The following GAREM1 variants were observed in gnomAD, a reference collection of about 807,000 sequenced individuals.
The protein encoded by GAREM1 is GRB2-associated and regulator of MAPK protein 1.
Under a neutral mutation model 71.3 loss-of-function variants are expected in GAREM1, and 26 were observed. The ratio of observed to expected loss-of-function variants is 0.36; its 90% CI spans 0.27 to 0.51. The LOEUF (loss-of-function observed/expected upper bound fraction) is 0.51, where lower values mean the gene tolerates loss of function less well. Among genes scored for constraint, GAREM1 ranks in the 20% least tolerant of loss-of-function variants. GAREM1 has a pLI of 0.95. For synonymous variants in GAREM1, 440 were observed against 433.2 expected (o/e 1.02, Z -0.20); for missense variants, 1,026 against 1,103.1 (o/e 0.93, Z 0.99).
At chr18:32,450,981 T>C (rs2048832327) in intron 1 of GAREM1, among the ~76,000 whole-genome samples, 2 of 150,558 alleles carry the variant, frequency 1.3e-5, no homozygotes, top group Admixed American at 6.7e-5. Flanking sequence ...ACCTCATTTC[T>C]ATTAAAAAAA....
Position 32,286,333 on chromosome 18 carries a change from T to A in GAREM1, c.1566+698A>T, listed in dbSNP as rs1256211014. Among the ~76,000 whole-genome samples the A allele has an allele frequency of 6.6e-5, 9 of 136,036 alleles. No individual in the cohort carries two copies. In the East Asian group the frequency reaches 1.7e-3, roughly 26 times the overall value. 89.2% of individuals were successfully genotyped at this position (136,036 alleles called of 152,430 possible). On this transcript the variant is annotated intron_variant, in intron 4 of 5. Transcript: ENST00000269209. Reference sequence around the variant, plus strand: ...CACCTGGTTCTGGAGTGTGTGTGTGTGTGTGTGTGTGTGTGTGTGTGTGTG... The same window carrying A: ...CACCTGGTTCTGGAGTGTGTGTGTGAGTGTGTGTGTGTGTGTGTGTGTGTG...
intron 4 of GAREM1, among the ~76,000 whole-genome samples, chr18:32,278,429 T>C (rs908529688): frequency 2.0e-5 from 3 of 152,224 alleles, no homozygotes; most frequent in Non-Finnish European, 4.4e-5. Flanking sequence ...AAGGATCGTT[T>C]TGTTTCCATA....
chr18:32,370,219 T>G (rs1281067578), intron 2 of GAREM1, among the ~76,000 whole-genome samples: 1 of 151,888 alleles, frequency 6.6e-6, no homozygotes, highest in Non-Finnish European at 1.5e-5. Flanking sequence ...GAACACAAGG[T>G]CAGATCGAGA....
intron 2 of GAREM1, among the ~76,000 whole-genome samples, chr18:32,336,429 CAAAAAAAAA>C (rs35803922): frequency 2.3e-4 from 17 of 72,870 alleles, no homozygotes; most frequent in African/African-American, 6.7e-4. Flanking sequence ...GACTCCGTCT[CAAAAAAAAA>C]AAAAAAAAAA....
At chr18:32,329,014 T>C (rs2084910772) in intron 2 of GAREM1, among the ~76,000 whole-genome samples, 1 of 151,978 alleles carries the variant, frequency 6.6e-6, no homozygotes, top group Non-Finnish European at 1.5e-5. Context: ...ACTAAGGAGG[T>C]ATCCCTGAAG....
chr18:32,314,592 TG>T (rs1418934006), intron 2 of GAREM1, among the ~76,000 whole-genome samples: 36 of 138,286 alleles, frequency 2.6e-4, no homozygotes, highest in African/African-American at 1.0e-3. Context: ...TTTTTGTTGT[TG>T]TTTTTTTTTT....
chr18:32,299,052 G>A (rs1034279877), intron 3 of GAREM1, among the ~76,000 whole-genome samples: 2 of 151,952 alleles, frequency 1.3e-5, no homozygotes, highest in African/African-American at 2.4e-5. Flanking sequence ...GTTTTTCAGA[G>A]GGCCCAAAAC....
At chr18:32,383,530 A>G (rs1196316815) in intron 2 of GAREM1, among the ~76,000 whole-genome samples, 2 of 152,208 alleles carry the variant, frequency 1.3e-5, no homozygotes, top group Non-Finnish European at 2.9e-5. Flanking sequence ...AGGTCACACT[A>G]CTTCTTAGAG....
rs2049040477 is a variant in GAREM1, at chr18:32,470,357, G to A, written c.72C>T (p.Asp24=). The A allele has an allele frequency of 6.4e-7, 1 of 1,559,774 alleles. No homozygotes were observed. Among genetic ancestry groups the A allele is most frequent in the Non-Finnish European group, 8.7e-7 (1 of 1,154,170 alleles). ...VKWSSVAVPL[D]LLVSTYRLPQ... is the part of the protein sequence containing the mutation. ...GCAGCCGGTAAGTGCTGACCAGGAG[G>A]TCGAGCGGCACGGCCACCGAGCTCC... The change falls in exon 1 of 6, where the codon GAC becomes GAT. Residue 24 remains aspartate, a synonymous_variant. Transcript: ENST00000269209. This position sits in a 1 kb window ranked among gnomAD's most constrained non-coding sequence, Gnocchi z 4.4.
chr18:32,406,808 T>A (rs138211341), intron 1 of GAREM1, among the ~76,000 whole-genome samples: 30 of 152,234 alleles, frequency 2.0e-4, no homozygotes, highest in Admixed American at 6.5e-4. Flanking sequence ...GAGAAGAAAC[T>A]GCTTTTAGCC....
intron 2 of GAREM1, among the ~76,000 whole-genome samples, chr18:32,332,002 T>G (rs1251081259): frequency 6.6e-6 from 1 of 150,648 alleles, no homozygotes; most frequent in East Asian, 1.9e-4. Context: ...CAGAACTGAC[T>G]GTGTCCTTTC....
chr18:32,374,590 C>T (rs1363012021), intron 2 of GAREM1, among the ~76,000 whole-genome samples: 18 of 151,964 alleles, frequency 1.2e-4, no homozygotes, highest in Admixed American at 1.0e-3. Context: ...ATGTATAACA[C>T]GATAACAAAG....
rs535267299 is a variant in GAREM1, at chr18:32,470,843, G to C, written c.-415C>G. Among the ~76,000 whole-genome samples, 1 of 150,420 alleles carries C rather than the reference G, an allele frequency of 6.6e-6. No homozygotes were observed. The highest frequency in any genetic ancestry group is 1.5e-5 in the Non-Finnish European group (1 of 67,430). The stretch of plus-strand genomic sequence containing the variant: ...CCTCGAGCGTGTGAGGAGGAGCCGC[G>C]GGTCTGAGAAACGCCATAGCAGCGC... On this transcript the variant is annotated 5_prime_UTR_variant, in exon 1 of 6. Transcript: ENST00000269209. The surrounding 1 kb of genome is among the most constrained non-coding windows in gnomAD (Gnocchi z 4.4).
intron 2 of GAREM1, among the ~76,000 whole-genome samples, chr18:32,353,463 A>G (rs1465454940): frequency 1.3e-5 from 2 of 152,194 alleles, no homozygotes; most frequent in African/African-American, 4.8e-5. Context: ...TAGCCCAACT[A>G]TAAGGGTTAA....
At chr18:32,372,422 A>T (rs1386719374) in intron 2 of GAREM1, among the ~76,000 whole-genome samples, 1 of 152,180 alleles carries the variant, frequency 6.6e-6, no homozygotes, top group East Asian at 1.9e-4. Context: ...AAACAGACAC[A>T]CCCAATCCTA....
chr18:32,285,090 G>A (rs1044838025), intron 4 of GAREM1, among the ~76,000 whole-genome samples: 1 of 152,042 alleles, frequency 6.6e-6, no homozygotes, highest in Non-Finnish European at 1.5e-5. Flanking sequence ...AACATTCTTA[G>A]GGAATTGCTG....
chr18:32,400,621 A>C (rs374106950), intron 1 of GAREM1, among the ~76,000 whole-genome samples: 16 of 152,128 alleles, frequency 1.1e-4, no homozygotes, highest in Non-Finnish European at 8.8e-5. Context: ...AAACCACAAT[A>C]AGATACCATC....
intron 2 of GAREM1, among the ~76,000 whole-genome samples, chr18:32,357,207 C>T (rs1055248935): frequency 4.6e-5 from 7 of 152,148 alleles, no homozygotes; most frequent in Admixed American, 3.9e-4. Context: ...CCAGGCACAG[C>T]GGTTCATGCC....
chr18:32,309,933 T>G (rs2047298492), intron 3 of GAREM1, among the ~76,000 whole-genome samples: 1 of 152,238 alleles, frequency 6.6e-6, no homozygotes, highest in African/African-American at 2.4e-5. Context: ...TTTTAAAAAA[T>G]ATCACTTATA....
Sources: gnomAD v4.1 joint callset for allele counts (sites outside exome capture counted in the v4.1 genomes callset) on GRCh38, gnomAD v4.1.1 for gene constraint, Gnocchi (gnomAD v3.1) non-coding constraint, MANE v1.5 for transcripts, NCBI Gene and HGNC (gene_info 2026-07-23, HGNC 2026-07-21) for gene names.